Variants in PKN2 observed in about 807,000 individuals in gnomAD.
PKN2 encodes the protein protein kinase N2.
Under a neutral mutation model 119.1 loss-of-function variants are expected in PKN2, and 38 were observed. The observed-to-expected ratio is 0.32, with a 90% CI of 0.25 to 0.42. The LOEUF is 0.42. Among genes scored for constraint, PKN2 ranks in the 10% least tolerant of loss-of-function variants. The pLI is 1.00. For synonymous variants in PKN2, 390 were observed against 384.9 expected (o/e 1.01, Z -0.15); for missense variants, 850 against 1,165.1 (o/e 0.73, Z 3.94).
intron 10 of PKN2, 47 bp from the exon 11 acceptor site, chr1:88,805,450 T>C: frequency 7.0e-7 from 1 of 1,433,506 alleles, no homozygotes; most frequent in Non-Finnish European, 9.5e-7. Context: ...CTTTTGGTTA[T>C]ACATAAAGAA....
intron 1 of PKN2, among the ~76,000 whole-genome samples, chr1:88,687,244 A>C (rs987592975): frequency 6.6e-6 from 1 of 152,138 alleles, no homozygotes; most frequent in African/African-American, 2.4e-5. Flanking sequence ...ATTGTTAGTA[A>C]TTCAGGAGGC....
In PKN2 at chr1:88,786,166, A is replaced by G; in HGVS notation, c.1234A>G (p.Ile412Val). The G allele has an allele frequency of 1.2e-6, 2 of 1,612,210 alleles. No individual in the cohort carries two copies. Among genetic ancestry groups the G allele is most frequent in the Non-Finnish European group, 1.7e-6 (2 of 1,178,326 alleles). The change falls in exon 8 of 22, where the codon ATT becomes GTT. Residue 412 changes from isoleucine to valine, a missense_variant. By Grantham distance (29) the Ile-to-Val change is conservative. Coordinates refer to ENST00000370521, the MANE Select transcript of PKN2 (RefSeq NM_006256.4). ...GGTTGGCCAAACTAGCTGGAAACCC[A>G]TTTCCAATCAGTCATGGGACCAGAA... is the stretch of plus-strand genomic sequence containing the variant. Reference protein sequence around the residue: ...TVVGQTSWKPISNQSWDQKFT... With the variant: ...TVVGQTSWKPVSNQSWDQKFT...
chr1:88,821,917 CTGT>C, intron 16 of PKN2, 21 bp from the exon 17 acceptor site: 1 of 1,535,178 alleles, frequency 6.5e-7, no homozygotes. Context: ...TATTAAACTC[CTGT>C]TGATTTAATT....
intron 8 of PKN2, among the ~76,000 whole-genome samples, chr1:88,788,101 C>T (rs1198319800): frequency 1.3e-5 from 2 of 152,134 alleles, no homozygotes; most frequent in Admixed American, 1.3e-4. Flanking sequence ...TCAACTTTGT[C>T]TTCTATGGCA....
At chr1:88,755,973 C>T (rs1056101416) in intron 2 of PKN2, among the ~76,000 whole-genome samples, 2 of 149,606 alleles carry the variant, frequency 1.3e-5, no homozygotes, top group East Asian at 2.0e-4. Flanking sequence ...AGTTCAGTGG[C>T]GCAATCTCCG....
chr1:88,759,541 TGTTAA>T (rs1017898767), intron 2 of PKN2, among the ~76,000 whole-genome samples: 1 of 152,208 alleles, frequency 6.6e-6, no homozygotes, highest in Non-Finnish European at 1.5e-5. Context: ...ATTTTTTCCT[TGTTAA>T]GTTCATCATG....
chr1:88,813,784 C>A, intron 16 of PKN2, 51 bp downstream of exon 16: 1 of 1,393,578 alleles, frequency 7.2e-7, no homozygotes, highest in South Asian at 1.4e-5. Context: ...TGATTTCATT[C>A]TGGGAAGGAA....
At chr1:88,760,597 T>TG (rs1298904079) in intron 3 of PKN2, among the ~76,000 whole-genome samples, 1 of 152,152 alleles carries the variant, frequency 6.6e-6, no homozygotes, top group Non-Finnish European at 1.5e-5. Flanking sequence ...TTTGCCTTCT[T>TG]AAGCTATGGT....
intron 19 of PKN2, among the ~76,000 whole-genome samples, chr1:88,831,068 C>G (rs1486040570): frequency 6.6e-6 from 1 of 151,884 alleles, no homozygotes; most frequent in African/African-American, 2.4e-5. Context: ...CATCGCAAGT[C>G]CCCTTTTTCC....
intron 1 of PKN2, among the ~76,000 whole-genome samples, chr1:88,688,444 A>C (rs1403437332): frequency 6.6e-6 from 1 of 152,146 alleles, no homozygotes. Flanking sequence ...TTTGCATCTA[A>C]TGTTATAGTT....
intron 3 of PKN2, among the ~76,000 whole-genome samples, chr1:88,767,128 CACTT>C (rs1240554922): frequency 5.3e-5 from 8 of 152,048 alleles, no homozygotes; most frequent in Admixed American, 1.3e-4. Context: ...TGGAATAAGA[CACTT>C]AATCATTATT....
chr1:88,716,686 G>T (rs1235167327), intron 1 of PKN2, among the ~76,000 whole-genome samples: 1 of 151,966 alleles, frequency 6.6e-6, no homozygotes, highest in Non-Finnish European at 1.5e-5. Context: ...GCCTATGTGT[G>T]TCTCTGTACA....
At chr1:88,761,368 T>C (rs1039106024) in intron 3 of PKN2, among the ~76,000 whole-genome samples, 1 of 152,028 alleles carries the variant, frequency 6.6e-6, no homozygotes, top group African/African-American at 2.4e-5. Flanking sequence ...ATTTTTTAAA[T>C]AATTTCTTAA....
chr1:88,730,587 G>T (rs1380136984), intron 1 of PKN2, among the ~76,000 whole-genome samples: 2 of 152,354 alleles, frequency 1.3e-5, no homozygotes, highest in East Asian at 1.9e-4. Flanking sequence ...ACTTCTGGCT[G>T]CAGGAGAGCC....
intron 8 of PKN2, among the ~76,000 whole-genome samples, chr1:88,790,658 A>G (rs1670792825): frequency 1.3e-5 from 2 of 151,764 alleles, no homozygotes; most frequent in African/African-American, 4.8e-5. Context: ...TTACTTGGGT[A>G]TCTTTCATTC....
At chr1:88,770,031 C>T (rs2100799420) in intron 3 of PKN2, among the ~76,000 whole-genome samples, 2 of 152,246 alleles carry the variant, frequency 1.3e-5, no homozygotes, top group South Asian at 4.1e-4. Context: ...AATCATTTCA[C>T]TATATGTATG....
intron 15 of PKN2, among the ~76,000 whole-genome samples, chr1:88,809,731 C>A (rs995550316): frequency 1.3e-5 from 2 of 152,174 alleles, no homozygotes; most frequent in African/African-American, 4.8e-5. Context: ...AAGCCATCCT[C>A]CTGCCTCAGC....
At position 88,741,258 on chromosome 1, in the gene PKN2, A is replaced by G; in HGVS notation, c.319A>G (p.Ile107Val). The change falls in exon 2 of 22, where the codon ATT becomes GTT. Residue 107 changes from isoleucine (I) to valine (V), a missense_variant. This residue lies in a region of PKN2 where 350 missense variants were observed against 511.1 expected (regional missense o/e 0.68). Transcript: ENST00000370521. ...HHKLQELNAH[I>V]VVSDPEDITD... is the part of the protein sequence containing the mutation. ...CAAGCTGCAGGAATTAAATGCACATATTGTTGTATCAGATCCAGAAGATAT... is the reference window on the plus strand; with the variant it reads ...CAAGCTGCAGGAATTAAATGCACATGTTGTTGTATCAGATCCAGAAGATAT... The G allele has an allele frequency of 5.0e-6, 8 of 1,592,082 alleles. No homozygotes were observed. The highest frequency in any genetic ancestry group is 6.8e-6 in the Non-Finnish European group (8 of 1,172,866).
chr1:88,728,996 G>C (rs1305242911), intron 1 of PKN2, among the ~76,000 whole-genome samples: 1 of 151,046 alleles, frequency 6.6e-6, no homozygotes, highest in Non-Finnish European at 1.5e-5. Context: ...CTGGGTTCAA[G>C]CGATTCTCCT....
Sources: allele counts gnomAD v4.1 joint callset (sites outside exome capture counted in the v4.1 genomes callset), GRCh38; gene constraint gnomAD v4.1.1; regional missense constraint gnomAD v4.1.1; transcripts MANE v1.5; gene names NCBI Gene and HGNC (gene_info 2026-07-23, HGNC 2026-07-21).